PLD5: variants seen among roughly 807,000 people sequenced by gnomAD.
PLD5 encodes phospholipase D family member 5.
A neutral mutation model predicts 61.1 loss-of-function variants in PLD5; 36 were observed. That is an observed-to-expected ratio of 0.59 (90% CI 0.45 to 0.78). The LOEUF is 0.78. Ranked by LOEUF, PLD5 falls within the 30% of genes least tolerant of loss-of-function variation. PLD5 has a pLI of 0.00. For synonymous variants in PLD5, 243 were observed against 242.8 expected (o/e 1.00, Z -0.01); for missense variants, 515 against 644.4 (o/e 0.80, Z 2.17).
At chr1:242,382,140 C>CAAAAAA (rs771218262) in intron 1 of PLD5, among the ~76,000 whole-genome samples, 4 of 99,192 alleles carry the variant, frequency 4.0e-5, no homozygotes, top group Non-Finnish European at 4.3e-5. Context: ...AAAAAAAAAA[C>CAAAAAA]AAAACAAAAA....
rs148277376 is a variant in PLD5, at chr1:242,498,205, C to T, written c.189+25883G>A. On this transcript the variant is annotated intron_variant, in intron 1 of 9. Transcript: ENST00000536534. The stretch of plus-strand genomic sequence containing the variant: ...GCCTCGAACTCCTGACCTCGTGATC[C>T]GCCCACCTTGGCCTCCCGAAGTGCT... Among the ~76,000 whole-genome samples the T allele has an allele frequency of 5.9e-4, 90 of 152,308 alleles. 1 individual carries two copies. Among genetic ancestry groups the T allele is most frequent in the African/African-American group, 1.9e-3 (78 of 41,578 alleles).
intron 5 of PLD5, among the ~76,000 whole-genome samples, chr1:242,171,186 A>G (rs1054014411): frequency 3.3e-4 from 50 of 152,346 alleles, no homozygotes; most frequent in African/African-American, 1.1e-3. Flanking sequence ...CTAACAGTAG[A>G]TCTCTCTGCA....
chr1:242,437,676 G>A (rs1252480797), intron 1 of PLD5, among the ~76,000 whole-genome samples: 1 of 125,124 alleles, frequency 8.0e-6, no homozygotes, highest in Non-Finnish European at 1.6e-5. Context: ...AACACAGCAA[G>A]TTTACGTCTC....
At chr1:242,224,931 A>G (rs1271955134) in intron 4 of PLD5, among the ~76,000 whole-genome samples, 1 of 152,190 alleles carries the variant, frequency 6.6e-6, no homozygotes, top group Admixed American at 6.5e-5. Context: ...AATGCAAAAC[A>G]GTGTCATCGT....
At chr1:242,230,760 A>G (rs1007664017) in intron 4 of PLD5, among the ~76,000 whole-genome samples, 1 of 152,248 alleles carries the variant, frequency 6.6e-6, no homozygotes, top group African/African-American at 2.4e-5. Flanking sequence ...TAATTTTAAC[A>G]TATCTATTCA....
intron 5 of PLD5, among the ~76,000 whole-genome samples, chr1:242,161,987 C>CTGTAATCCTCT (rs1665873623): frequency 6.6e-6 from 1 of 152,152 alleles, no homozygotes; most frequent in Non-Finnish European, 1.5e-5. Flanking sequence ...GGGGCAAACA[C>CTGTAATCCTCT]TGTAATCCTC....
chr1:242,298,923 A>C (rs1412308735), intron 2 of PLD5, among the ~76,000 whole-genome samples: 1 of 152,046 alleles, frequency 6.6e-6, no homozygotes, highest in Non-Finnish European at 1.5e-5. Flanking sequence ...ACCTGTTGAT[A>C]TTTCACTAAT....
At chr1:242,385,124 C>T (rs1662525260) in intron 1 of PLD5, among the ~76,000 whole-genome samples, 4 of 152,086 alleles carry the variant, frequency 2.6e-5, no homozygotes. Flanking sequence ...TACTTAATGA[C>T]TATAAGTCAC....
chr1:242,137,577 G>A (rs1006424791), intron 5 of PLD5, among the ~76,000 whole-genome samples: 1 of 152,112 alleles, frequency 6.6e-6, no homozygotes, highest in Non-Finnish European at 1.5e-5. Context: ...CAATCTTGTA[G>A]GGGGAAATGT....
At chr1:242,137,448 T>C (rs1447865663) in intron 5 of PLD5, among the ~76,000 whole-genome samples, 4 of 152,218 alleles carry the variant, frequency 2.6e-5, no homozygotes, top group African/African-American at 7.2e-5. Flanking sequence ...TAGCTCCAGA[T>C]AGTCGCTACC....
rs537076350 is a variant in PLD5 at position 242,224,395 on chromosome 1, A to G, written c.608-4280T>C. Reference sequence around the variant, plus strand: ...ATTTTTTAAAAATATATAGAATGCCACAATTTTATGAGCACTAACAGAAAC... The same window carrying G: ...ATTTTTTAAAAATATATAGAATGCCGCAATTTTATGAGCACTAACAGAAAC... On this transcript the variant is annotated intron_variant, in intron 4 of 9. Coordinates refer to ENST00000536534, the MANE Select transcript of PLD5 (RefSeq NM_001372062.1). Among the ~76,000 whole-genome samples the G allele has an allele frequency of 6.6e-5, 10 of 152,274 alleles. 1 individual carries two copies. In the South Asian group the frequency reaches 1.9e-3, roughly 28 times the overall value.
rs1663238745 is a variant in PLD5, at chr1:242,394,346, G to A, written c.190-46104C>T. On this transcript the variant is annotated intron_variant, in intron 1 of 9. Coordinates refer to ENST00000536534, the MANE Select transcript of PLD5 (RefSeq NM_001372062.1). ...TATGAGTATATATGTGTGTATATAT[G>A]AGTATATATGTGTGTATATATGAGT... Among the ~76,000 whole-genome samples, 2 of 92,922 alleles carry A rather than the reference G, an allele frequency of 2.2e-5. 1 individual carries two copies. The highest frequency in any genetic ancestry group is 9.0e-4 in the South Asian group (2 of 2,234). The allele number at this position is 92,922 out of a possible 152,430, so 61.0% of individuals were successfully genotyped here.
chr1:242,218,506 G>A (rs1360411770), intron 5 of PLD5, among the ~76,000 whole-genome samples: 2 of 152,144 alleles, frequency 1.3e-5, no homozygotes, highest in Non-Finnish European at 2.9e-5. Context: ...AGTTTGCAGA[G>A]CTCAAGTATT....
chr1:242,444,952 C>G lies in PLD5; in HGVS notation c.189+79136G>C, dbSNP rs564042588. Among the ~76,000 whole-genome samples, 18 of 152,040 alleles carry G rather than the reference C, an allele frequency of 1.2e-4. 1 individual carries two copies. Among genetic ancestry groups the G allele is most frequent in the African/African-American group, 3.9e-4 (16 of 41,454 alleles). ...CACATATAGCTATGTGTTATATGCT[C>G]TACTATATAGACCCTCAGCTTTTCT... On this transcript the variant is annotated intron_variant, in intron 1 of 9. Transcript: ENST00000536534.
chr1:242,100,170 C>T (rs562718680), intron 9 of PLD5, among the ~76,000 whole-genome samples: 20 of 152,178 alleles, frequency 1.3e-4, no homozygotes, highest in Non-Finnish European at 2.2e-4. Flanking sequence ...GATGAGAAAA[C>T]TGAGGTTTGA....
rs1207623532 is a variant in PLD5, at chr1:242,087,947, C to T, written c.*1907G>A. ...CTACCCTTAAAAATACAGCTTCCTTCCAGCTCTCTTGATCAACTGGTTAAA... is the reference window on the plus strand; with the variant it reads ...CTACCCTTAAAAATACAGCTTCCTTTCAGCTCTCTTGATCAACTGGTTAAA... On this transcript the variant is annotated 3_prime_UTR_variant, in exon 10 of 10. Transcript: ENST00000536534. The T allele has an allele frequency of 2.0e-5, 3 of 152,190 alleles. No individual in the cohort carries two copies. The highest frequency in any genetic ancestry group is 2.4e-5 in the African/African-American group (1 of 41,444). The allele number at this position is 152,190 out of a possible 1,614,324, so 9.4% of individuals were successfully genotyped here. A position where few individuals can be genotyped will look rare whatever the true frequency, so the allele number is the denominator to read the frequency against.
In PLD5 at chr1:242,089,755, T is replaced by C. The variant is rs1024604986; in HGVS notation, c.*99A>G. The C allele has an allele frequency of 6.8e-7, 1 of 1,460,942 alleles. No individual in the cohort carries two copies. The highest frequency in any genetic ancestry group is 9.4e-7 in the Non-Finnish European group (1 of 1,064,992). The allele number at this position is 1,460,942 out of a possible 1,614,324, so 90.5% of individuals were successfully genotyped here. ...GAATATTTTTTATAAGTGTGCTTTT[T>C]CCCTAAAAAAAGAGACATATTAAAG... On this transcript the variant is annotated 3_prime_UTR_variant, in exon 10 of 10. Coordinates refer to ENST00000536534, the MANE Select transcript of PLD5 (RefSeq NM_001372062.1).
chr1:242,232,025 T>C (rs897036829), intron 4 of PLD5, among the ~76,000 whole-genome samples: 2 of 151,052 alleles, frequency 1.3e-5, no homozygotes, highest in Admixed American at 6.6e-5. Flanking sequence ...ATTCAAAATC[T>C]AATTGCGGTA....
At chr1:242,527,208 G>C (rs573416918), upstream of PLD5, among the ~76,000 whole-genome samples, 9 of 130,294 alleles carry the variant, frequency 6.9e-5, no homozygotes, top group South Asian at 2.0e-3. Flanking sequence ...TCGGCTCACT[G>C]CAATCCCCAC....
Sources: gnomAD v4.1 joint callset for allele counts (sites outside exome capture counted in the v4.1 genomes callset) on GRCh38, gnomAD v4.1.1 for gene constraint, MANE v1.5 for transcripts, NCBI Gene and HGNC (gene_info 2026-07-23, HGNC 2026-07-21) for gene names.